EXOC7: variants seen among roughly 807,000 people sequenced by gnomAD.
The protein encoded by EXOC7 is exocyst complex component Exo70.
In EXOC7, 51 loss-of-function variants were observed where a neutral mutation model predicts 87.6. The observed-to-expected ratio is 0.58, with a 90% CI of 0.46 to 0.73. The LOEUF (loss-of-function observed/expected upper bound fraction) is 0.73. Among genes scored for constraint, EXOC7 ranks in the 30% least tolerant of loss-of-function variants. EXOC7 has a pLI of 0.00. For synonymous variants in EXOC7, 327 were observed against 357.1 expected (o/e 0.92, Z 0.95); for missense variants, 744 against 888.4 (o/e 0.84, Z 2.07).
chr17:76,096,425 T>C (rs532026218), intron 5 of EXOC7, among the ~76,000 whole-genome samples: 2 of 150,408 alleles, frequency 1.3e-5, no homozygotes, highest in African/African-American at 2.4e-5. Flanking sequence ...TGAGGCAGAA[T>C]TGCTTGAACC....
Position 76,082,697 on chromosome 17 carries a change from TC to T in EXOC7, c.*950del, listed in dbSNP as rs1431958887. The stretch of plus-strand genomic sequence containing the variant: ...GCACACCTTAGGATGAAGTTTGCTT[TC>T]CCATGGCTGGGGGCGGGCCATGACA... On this transcript the variant is annotated 3_prime_UTR_variant, in exon 19 of 19. Transcript: ENST00000589210. 3 of 1,542,156 alleles carry T rather than the reference TC, an allele frequency of 1.9e-6. No individual in the cohort carries two copies. The highest frequency in any genetic ancestry group is 4.0e-5 in the Admixed American group (2 of 49,758).
intron 16 of EXOC7, 42 bp from the exon 17 acceptor site, chr17:76,084,331 G>A (rs747367052): frequency 5.0e-6 from 8 of 1,613,220 alleles, no homozygotes; most frequent in South Asian, 1.1e-5. Flanking sequence ...TCACTTCAGA[G>A]CAGAGCAGCC....
At chr17:76,095,682 G>A (rs565331446) in intron 5 of EXOC7, among the ~76,000 whole-genome samples, 42 of 152,268 alleles carry the variant, frequency 2.8e-4, no homozygotes, top group Middle Eastern at 3.4e-3. Context: ...TGGAACTGTC[G>A]ATGAGTCCAT....
chr17:76,081,700 C>T lies in EXOC7; in HGVS notation c.*1948G>A, dbSNP rs148006416. The T allele has an allele frequency of 9.6e-4, 1,551 of 1,614,112 alleles. 1 individual carries two copies. Among genetic ancestry groups the T allele is most frequent in the Non-Finnish European group, 1.2e-3 (1,418 of 1,180,020 alleles). On this transcript the variant is annotated 3_prime_UTR_variant, in exon 19 of 19. Transcript: ENST00000589210. Reference sequence around the variant, plus strand: ...CATTGCTGCTGAGTTACCTCGTCCTCCACTCCTCCCTGGTGCAGGCCCTGC... The same window carrying T: ...CATTGCTGCTGAGTTACCTCGTCCTTCACTCCTCCCTGGTGCAGGCCCTGC...
At chr17:76,094,314 T>A in intron 6 of EXOC7, 100 bp downstream of exon 6, 8 of 1,353,888 alleles carry the variant, frequency 5.9e-6, no homozygotes, top group Non-Finnish European at 7.0e-6. Context: ...GACGACAAGC[T>A]CTGGAGGGGC....
At chr17:76,086,698 G>A (rs2067228110) in intron 12 of EXOC7, among the ~76,000 whole-genome samples, 1 of 152,084 alleles carries the variant, frequency 6.6e-6, no homozygotes, top group Non-Finnish European at 1.5e-5. Context: ...AGACAGAGTG[G>A]CCTTGAAGGG....
rs571528878 is a variant in EXOC7, at chr17:76,094,133, G to A, written c.808+281C>T. ...GTGTGAGGGAGGAGGCCTAGGCAGG[G>A]GCTCTGCCTCAGGCGGGATTCGCTG... On this transcript the variant is annotated intron_variant, in intron 6 of 18. Transcript: ENST00000589210. 5.5e-5 allele frequency: 18 copies of A among 329,114 alleles called. No homozygotes were observed. The Admixed American group carries it at 6.8e-4, about 12-fold the overall frequency. The allele number at this position is 329,114 out of a possible 1,614,324, so 20.4% of individuals were successfully genotyped here. A position where few individuals can be genotyped will look rare whatever the true frequency, so the allele number is the denominator to read the frequency against.
intron 7 of EXOC7, chr17:76,090,725 T>C (rs2067441117): frequency 1.8e-6 from 1 of 562,286 alleles, no homozygotes; most frequent in African/African-American, 1.9e-5. Context: ...CACCTCGCTG[T>C]ATTTGGGGAA....
chr17:76,083,587 ACTGGTTTAT>A lies in EXOC7; in HGVS notation c.*52_*60del, dbSNP rs2067072002. ...TCACCCAGCCCAGAGGCAAGCTAACACTGGTTTATCTGTCCAATGACACGCCAGTCTGGT... is the reference window on the plus strand; with the variant it reads ...TCACCCAGCCCAGAGGCAAGCTAACACTGTCCAATGACACGCCAGTCTGGT... On this transcript the variant is annotated 3_prime_UTR_variant, in exon 19 of 19. Coordinates refer to ENST00000589210, the MANE Select transcript of EXOC7 (RefSeq NM_001013839.4). 45 of 1,548,834 alleles carry A rather than the reference ACTGGTTTAT, an allele frequency of 2.9e-5. No homozygotes were observed. Among genetic ancestry groups the A allele is most frequent in the Non-Finnish European group, 4.0e-5 (45 of 1,121,314 alleles).
At chr17:76,098,143 C>CT (rs1041802445) in intron 4 of EXOC7, 125 bp from the exon 5 acceptor site, 22,773 of 564,322 alleles carry the variant, frequency 0.04, no homozygotes, top group East Asian at 0.053. Flanking sequence ...GCCCTGATAT[C>CT]TTTTTTTTTT....
At position 76,087,676 on chromosome 17, in the gene EXOC7, T is replaced by C. The variant is rs1443525771; in HGVS notation, c.1407A>G (p.Ala469=). 6.4e-7 allele frequency: 1 copy of C among 1,551,296 alleles called. No individual in the cohort carries two copies. The highest frequency in any genetic ancestry group is 1.2e-5 in the South Asian group (1 of 84,066). ...LQQLLDFQET[A]GAMLASQETS... is the part of the protein sequence containing the mutation. ...TACCTTGGGAGGCCAGCATGGCGCC[T>C]GCCGTCTCCTGGAAGTCCAAAAGCT... The change falls in exon 12 of 19, where the codon GCA becomes GCG. Residue 469 remains alanine (A), a synonymous_variant. Transcript: ENST00000589210.
At position 76,088,061 on chromosome 17, in the gene EXOC7, T is replaced by C; in HGVS notation, c.1361A>G (p.Asn454Ser). Residue 454 changes from asparagine to serine, a missense_variant and splice_region_variant, in exon 11 of 19, where the codon AAT becomes AGT. Around this residue, in one of 3 missense-constraint regions of EXOC7, gnomAD observed 228 missense variants for 298.6 expected, o/e 0.76. Coordinates refer to ENST00000589210, the MANE Select transcript of EXOC7 (RefSeq NM_001013839.4). Reference protein sequence around the residue: ...KDGTVHELTSNAILFLQQLLD... With the variant: ...KDGTVHELTSSAILFLQQLLD... ...CTGGTGTCCTCAGGCAGCACCCACA[T>C]TGCTGGTGAGCTCGTGTACGGTGCC... is the stretch of plus-strand genomic sequence containing the variant. 3 of 1,614,036 alleles carry C rather than the reference T, an allele frequency of 1.9e-6. No individual in the cohort carries two copies. The highest frequency in any genetic ancestry group is 1.7e-6 in the Non-Finnish European group (2 of 1,179,964).
At chr17:76,087,435 C>A in intron 12 of EXOC7, 2 of 581,908 alleles carry the variant, frequency 3.4e-6, no homozygotes, top group Non-Finnish European at 6.1e-6. Context: ...CGAGGACGGT[C>A]AAAGGGGCTG....
rs907579327 is a variant in EXOC7, at chr17:76,085,212, A to G, written c.1712+102T>C. The G allele has an allele frequency of 3.2e-6, 3 of 943,050 alleles. No homozygotes were observed. In the African/African-American group the frequency reaches 4.9e-5, roughly 15 times the overall value. The allele number at this position is 943,050 out of a possible 1,614,324, so 58.4% of individuals were successfully genotyped here. The stretch of plus-strand genomic sequence containing the variant: ...AGTGGAGGATTAGGGTCCAGAGGAC[A>G]GGAGTTCCCCGTGACCGACTCTGTG... On this transcript the variant is annotated intron_variant, in intron 15 of 18. Transcript: ENST00000589210.
Position 76,088,872 on chromosome 17 carries a change from G to C in EXOC7, c.1099C>G (p.Arg367Gly). Reference sequence around the variant, plus strand: ...AAGTCGTGTCGCACAATGGCCTTCCGGGCAGCAGACACGATGTTCTCCCCT... The same window carrying C: ...AAGTCGTGTCGCACAATGGCCTTCCCGGCAGCAGACACGATGTTCTCCCCT... ...LEGENIVSAA[R>G]KAIVRHDFST... The change falls in exon 9 of 19, where the codon CGG becomes GGG. Residue 367 changes from arginine to glycine, a missense_variant. Arg to Gly is a moderately radical substitution (Grantham distance 125, BLOSUM62 -2). Transcript: ENST00000589210. The C allele has an allele frequency of 6.2e-7, 1 of 1,613,790 alleles. No individual in the cohort carries two copies. Among genetic ancestry groups the C allele is most frequent in the Non-Finnish European group, 8.5e-7 (1 of 1,180,004 alleles).
chr17:76,083,339 G>A lies in EXOC7; in HGVS notation c.*309C>T. ...CCCTGCTGCTCTTGGTACACATGGA[G>A]CAGCAGTGGGCACAGGCCTCTGTCT... On this transcript the variant is annotated 3_prime_UTR_variant, in exon 19 of 19. Transcript: ENST00000589210. 2.8e-6 allele frequency: 1 copy of A among 360,752 alleles called. No homozygotes were observed. Among genetic ancestry groups the A allele is most frequent in the South Asian group, 2.7e-5 (1 of 36,680 alleles). 22.3% of individuals were successfully genotyped at this position (360,752 alleles called of 1,614,324 possible).
intron 5 of EXOC7, among the ~76,000 whole-genome samples, chr17:76,095,418 G>A (rs981166808): frequency 6.6e-6 from 1 of 152,194 alleles, no homozygotes; most frequent in African/African-American, 2.4e-5. Context: ...ACAGGCATGA[G>A]CCATGGCGCC....
At chr17:76,084,394 G>T in intron 16 of EXOC7, 105 bp from the exon 17 acceptor site, 1 of 1,560,218 alleles carries the variant, frequency 6.4e-7, no homozygotes, top group Non-Finnish European at 8.8e-7. Context: ...CCTGTGTCCT[G>T]ATGGCCACAT....
In EXOC7 at chr17:76,086,142, G is replaced by C. The variant is rs2067201642; in HGVS notation, c.1433C>G (p.Thr478Ser). ...TAGAMLASQETSSSATSYSSE... is the reference protein window; with the variant it reads ...TAGAMLASQESSSSATSYSSE... ...GCTGTAGCTGGTGGCCGAAGAGCTG[G>C]TCTCTGTGAGAGGAGAAGTCCTGTT... Residue 478 changes from threonine to serine, a missense_variant, in exon 13 of 19, where the codon ACC becomes AGC. Transcript: ENST00000589210. The C allele has an allele frequency of 6.2e-7, 1 of 1,613,586 alleles. No individual in the cohort carries two copies. Among genetic ancestry groups the C allele is most frequent in the South Asian group, 1.1e-5 (1 of 91,044 alleles).
Sources: gnomAD v4.1 joint callset for allele counts (sites outside exome capture counted in the v4.1 genomes callset) on GRCh38, gnomAD v4.1.1 for gene constraint, gnomAD v4.1.1 regional missense constraint, MANE v1.5 for transcripts, NCBI Gene and HGNC (gene_info 2026-07-23, HGNC 2026-07-21) for gene names.